Variants in CRPPA observed in about 807,000 individuals in gnomAD.
The protein encoded by CRPPA is D-ribitol-5-phosphate cytidylyltransferase.
In CRPPA, 43 loss-of-function variants were observed where a neutral mutation model predicts 52.0. The observed-to-expected ratio is 0.83, with a 90% CI of 0.65 to 1.07. CRPPA has a LOEUF of 1.07. Ranked by LOEUF, CRPPA falls within the 50% of genes least tolerant of loss-of-function variation. The pLI, the probability that CRPPA is intolerant of heterozygous loss-of-function variation, is 0.00. For missense variants in CRPPA, 629 were observed against 551.7 expected, an observed-to-expected ratio of 1.14 and a Z score of -1.40; for synonymous variants, 250 against 203.5, an observed-to-expected ratio of 1.23 and a Z score of -1.94.
At chr7:16,262,111 G>A (rs751005463) in intron 6 of CRPPA, 8 of 152,012 alleles carry the variant, frequency 5.3e-5, no homozygotes, top group South Asian at 2.1e-4. Context: ...GTTTTATTAC[G>A]AATTGTTATT....
chr7:16,134,089 G>A lies in CRPPA; in HGVS notation c.1252-42290C>T, dbSNP rs540431760. 1.2e-3 allele frequency among the ~76,000 whole-genome samples: 154 copies of A among 123,416 alleles called. 19 individuals are homozygous for A. Among genetic ancestry groups the A allele is most frequent in the African/African-American group, 3.8e-3 (146 of 38,134 alleles). 81.0% of individuals were successfully genotyped at this position (123,416 alleles called of 152,430 possible). A position where few individuals can be genotyped will look rare whatever the true frequency, so the allele number is the denominator to read the frequency against. ...TGGGACTACAGGCGCCCGCCACCAC[G>A]CCCGGCTAATTTTTTGTATTTTTAG... On this transcript the variant is annotated intron_variant, in intron 9 of 9. Coordinates refer to ENST00000407010, the MANE Select transcript of CRPPA (RefSeq NM_001101426.4).
chr7:16,335,154 C>CAAAAAAAAAAAAAAAAAAAAA (rs60632334), intron 3 of CRPPA, among the ~76,000 whole-genome samples: 1 of 93,800 alleles, frequency 1.1e-5, no homozygotes, highest in Non-Finnish European at 2.0e-5. Flanking sequence ...CCCATCTCTA[C>CAAAAAAAAAAAAAAAAAAAAA]AAAAAAAAAA....
At position 16,261,614 on chromosome 7, in the gene CRPPA, GC is replaced by G. The variant is rs138947617; in HGVS notation, c.934-2603del. ...GGAGCAATTTTTTTTTTTAAGAAAAGCCGTAACATTTTTAGGTTCCTTGAGT... is the reference window on the plus strand; with the variant it reads ...GGAGCAATTTTTTTTTTTAAGAAAAGCGTAACATTTTTAGGTTCCTTGAGT... On this transcript the variant is annotated intron_variant, in intron 6 of 9. Coordinates refer to ENST00000407010, the MANE Select transcript of CRPPA (RefSeq NM_001101426.4). 7.1e-4 allele frequency among the ~76,000 whole-genome samples: 108 copies of G among 151,398 alleles called. 2 individuals carry two copies. In the East Asian group the frequency reaches 0.019, roughly 27 times the overall value.
chr7:16,280,781 G>C (rs967959529), intron 5 of CRPPA, among the ~76,000 whole-genome samples: 2 of 152,152 alleles, frequency 1.3e-5, no homozygotes, highest in Non-Finnish European at 2.9e-5. Context: ...AGCACTTTGG[G>C]AGGCCAAGGT....
intron 9 of CRPPA, among the ~76,000 whole-genome samples, chr7:16,097,129 AC>A (rs1481047037): frequency 6.6e-6 from 1 of 152,086 alleles, no homozygotes. Context: ...TACAAAGAAA[AC>A]CTTTTTTGCT....
At chr7:16,321,655 C>T (rs1269164782) in intron 3 of CRPPA, among the ~76,000 whole-genome samples, 1 of 152,118 alleles carries the variant, frequency 6.6e-6, no homozygotes. Context: ...GACATCATTA[C>T]TCAAGTTGGA....
chr7:16,132,678 TA>T (rs1382292294), intron 9 of CRPPA, among the ~76,000 whole-genome samples: 1 of 124,724 alleles, frequency 8.0e-6, no homozygotes, highest in Non-Finnish European at 1.8e-5. Flanking sequence ...TGCAAATTTT[TA>T]AAAAGGAAAT....
chr7:16,295,858 T>C (rs1235598141), intron 5 of CRPPA, among the ~76,000 whole-genome samples: 1 of 152,114 alleles, frequency 6.6e-6, no homozygotes. Flanking sequence ...CTTTGTTAAG[T>C]GGATATTTAC....
chr7:16,419,473 A>C (rs1203282189), intron 1 of CRPPA, among the ~76,000 whole-genome samples: 1 of 152,210 alleles, frequency 6.6e-6, no homozygotes, highest in Non-Finnish European at 1.5e-5. Flanking sequence ...CCTGGGGACC[A>C]GTCTGCCTTC....
chr7:16,322,879 G>A (rs1049946182), intron 3 of CRPPA, among the ~76,000 whole-genome samples: 2 of 152,164 alleles, frequency 1.3e-5, no homozygotes, highest in African/African-American at 4.8e-5. Flanking sequence ...TCACTGGGGA[G>A]GCCTCAGGAA....
intron 6 of CRPPA, among the ~76,000 whole-genome samples, chr7:16,264,017 C>G (rs953763738): frequency 6.6e-6 from 1 of 152,038 alleles, no homozygotes; most frequent in Non-Finnish European, 1.5e-5. Flanking sequence ...AATTGAGACT[C>G]TTAATAATTG....
chr7:16,091,738 T>C lies in CRPPA; in HGVS notation c.1313A>G (p.Lys438Arg). The C allele has an allele frequency of 6.4e-7, 1 of 1,564,234 alleles. No individual in the cohort carries two copies. Among genetic ancestry groups the C allele is most frequent in the African/African-American group, 1.4e-5 (1 of 73,990 alleles). ...QGAIIIASLI[K>R]ERNSGLIGQL... ...ACCAATGAGTCCAGAATTTCTTTCC[T>C]TGATTAATGAAGCAATAATGATAGC... The change falls in exon 10 of 10, where the codon AAG becomes AGG. Residue 438 changes from lysine (K) to arginine (R), a missense_variant. By Grantham distance (26) the Lys-to-Arg change is conservative. Transcript: ENST00000407010.
chr7:16,098,010 C>T (rs1356393512), intron 9 of CRPPA, among the ~76,000 whole-genome samples: 1 of 152,154 alleles, frequency 6.6e-6, no homozygotes. Flanking sequence ...TCCCAGAGTA[C>T]TTAATATTGA....
rs143840489 is a variant in CRPPA at position 16,101,011 on chromosome 7, C to G, written c.1252-9212G>C. 2.5e-4 allele frequency among the ~76,000 whole-genome samples: 38 copies of G among 152,210 alleles called. No individual in the cohort carries two copies. The East Asian group carries it at 7.4e-3, about 29-fold the overall frequency. On this transcript the variant is annotated intron_variant, in intron 9 of 9. Coordinates refer to ENST00000407010, the MANE Select transcript of CRPPA (RefSeq NM_001101426.4). ...ATCCCAGGGATGAAGCCAATTTGAT[C>G]ATGGTGGATAAGCTTTTTGATGTGC...
intron 5 of CRPPA, among the ~76,000 whole-genome samples, chr7:16,295,127 A>G (rs1365433980): frequency 6.6e-6 from 1 of 152,102 alleles, no homozygotes; most frequent in Non-Finnish European, 1.5e-5. Flanking sequence ...TCAATGTATA[A>G]ATATAAAAGA....
chr7:16,137,753 T>C (rs1269492947), intron 9 of CRPPA, among the ~76,000 whole-genome samples: 1 of 152,190 alleles, frequency 6.6e-6, no homozygotes, highest in Non-Finnish European at 1.5e-5. Context: ...TGTTTTTTTC[T>C]AAGCATTTCC....
chr7:16,332,047 T>C (rs1184655648), intron 3 of CRPPA, among the ~76,000 whole-genome samples: 2 of 152,130 alleles, frequency 1.3e-5, no homozygotes, highest in Non-Finnish European at 2.9e-5. Flanking sequence ...ATACTCAAAC[T>C]ACAGAAAATC....
chr7:16,156,737 T>C (rs1479545414), intron 9 of CRPPA, among the ~76,000 whole-genome samples: 1 of 152,208 alleles, frequency 6.6e-6, no homozygotes, highest in African/African-American at 2.4e-5. Context: ...TAAACGATCA[T>C]AATAGCATAT....
chr7:16,131,437 T>A (rs191306198), intron 9 of CRPPA, among the ~76,000 whole-genome samples: 1 of 152,100 alleles, frequency 6.6e-6, no homozygotes, highest in African/African-American at 2.4e-5. Flanking sequence ...GGAGGAAAGG[T>A]GATTCTTGTT....
Sources: allele counts gnomAD v4.1 joint callset (sites outside exome capture counted in the v4.1 genomes callset), GRCh38; gene constraint gnomAD v4.1.1; transcripts MANE v1.5; gene names NCBI Gene and HGNC (gene_info 2026-07-23, HGNC 2026-07-21).